Variants in DGKB observed in about 807,000 individuals in gnomAD.
DGKB encodes the protein diacylglycerol kinase beta.
Under a neutral mutation model 114.3 loss-of-function variants are expected in DGKB, and 67 were observed. That is an observed-to-expected ratio of 0.59 (90% CI 0.48 to 0.72). The LOEUF (loss-of-function observed/expected upper bound fraction) is 0.72, where lower values mean the gene tolerates loss of function less well. Ranked by LOEUF, DGKB falls within the 30% of genes least tolerant of loss-of-function variation. DGKB has a pLI of 0.00. For missense variants in DGKB, 907 were observed against 975.2 expected (o/e 0.93, Z 0.93); for synonymous variants, 398 against 323.1 (o/e 1.23, Z -2.49).
chr7:14,914,418 G>A (rs1429602799), intron 1 of DGKB, among the ~76,000 whole-genome samples: 3 of 152,110 alleles, frequency 2.0e-5, no homozygotes, highest in Non-Finnish European at 4.4e-5. Context: ...CTAAGAAGAA[G>A]TTCTTTGGGA....
chr7:14,221,504 C>CAA (rs1789967991), intron 23 of DGKB, among the ~76,000 whole-genome samples: 8 of 151,378 alleles, frequency 5.3e-5, no homozygotes, highest in African/African-American at 1.7e-4. Flanking sequence ...AACCAACTCT[C>CAA]ATTCCTGGGA....
At chr7:14,563,151 T>C (rs549768766) in intron 20 of DGKB, among the ~76,000 whole-genome samples, 1 of 152,248 alleles carries the variant, frequency 6.6e-6, no homozygotes, top group African/African-American at 2.4e-5. Context: ...ACGCCTTTGT[T>C]CCTCTTCTGC....
At chr7:14,204,276 T>C (rs2128293737) in intron 23 of DGKB, among the ~76,000 whole-genome samples, 1 of 152,146 alleles carries the variant, frequency 6.6e-6, no homozygotes, top group East Asian at 1.9e-4. Context: ...AGATGAAATC[T>C]GAATACATGA....
At chr7:14,272,188 G>T (rs1328259848) in intron 23 of DGKB, among the ~76,000 whole-genome samples, 5 of 152,038 alleles carry the variant, frequency 3.3e-5, no homozygotes, top group Non-Finnish European at 7.4e-5. Context: ...AATGCAAGAT[G>T]ACAGTGTATT....
At chr7:14,168,199 G>A (rs1035201695) in intron 25 of DGKB, among the ~76,000 whole-genome samples, 1 of 152,094 alleles carries the variant, frequency 6.6e-6, no homozygotes, top group African/African-American at 2.4e-5. Flanking sequence ...CTCAACAACA[G>A]AATGGAGATA....
rs562515890 is a variant in DGKB, at chr7:14,488,686, G to A, written c.1771-10461C>T. On this transcript the variant is annotated intron_variant, in intron 20 of 25. Transcript: ENST00000402815. ...AAAAGTATATATATAAAATTAGCTC[G>A]GTGTGGTGGCACGCACCTGTAGTCC... Among the ~76,000 whole-genome samples, 34 of 150,504 alleles carry A rather than the reference G, an allele frequency of 2.3e-4. No homozygotes were observed. In the South Asian group the frequency reaches 6.3e-3, roughly 28 times the overall value.
intron 23 of DGKB, among the ~76,000 whole-genome samples, chr7:14,312,267 A>C (rs572585783): frequency 1.3e-5 from 2 of 152,350 alleles, no homozygotes; most frequent in Non-Finnish European, 2.9e-5. Context: ...TTATATCAGC[A>C]GTTCTGCAAA....
intron 1 of DGKB, among the ~76,000 whole-genome samples, chr7:14,952,512 A>T (rs60768073): frequency 0.028 from 4,276 of 151,874 alleles, 189 homozygotes; most frequent in African/African-American, 0.098. Flanking sequence ...TAAATATTCA[A>T]GGAAGCTGGA....
intron 1 of DGKB, among the ~76,000 whole-genome samples, chr7:14,897,883 G>A (rs552040014): frequency 3.2e-4 from 48 of 151,958 alleles, no homozygotes; most frequent in African/African-American, 1.0e-3. Context: ...TTCCTTCAGC[G>A]GATAGAATTA....
chr7:14,760,149 G>A (rs1000346944), intron 2 of DGKB, among the ~76,000 whole-genome samples: 7 of 151,982 alleles, frequency 4.6e-5, no homozygotes, highest in Admixed American at 2.0e-4. Flanking sequence ...GTGTGTGTAC[G>A]CACATTTGCT....
At chr7:14,271,978 T>C (rs139853030) in intron 23 of DGKB, among the ~76,000 whole-genome samples, 1 of 152,336 alleles carries the variant, frequency 6.6e-6, no homozygotes, top group East Asian at 1.9e-4. Flanking sequence ...ATTCACACAA[T>C]AATTGTACCA....
At chr7:14,464,487 C>G (rs1013206905) in intron 21 of DGKB, among the ~76,000 whole-genome samples, 13 of 151,990 alleles carry the variant, frequency 8.6e-5, no homozygotes, top group African/African-American at 3.1e-4. Context: ...AAAAACCAAA[C>G]AAATTATGAC....
intron 20 of DGKB, among the ~76,000 whole-genome samples, chr7:14,553,934 G>A (rs1403461365): frequency 5.7e-5 from 8 of 141,212 alleles, no homozygotes; most frequent in Non-Finnish European, 7.6e-5. Context: ...GTGCAGTGGC[G>A]GGATCTCGGC....
intron 23 of DGKB, among the ~76,000 whole-genome samples, chr7:14,317,377 T>G (rs1405262871): frequency 7.1e-6 from 1 of 140,846 alleles, no homozygotes; most frequent in African/African-American, 2.7e-5. Context: ...ATTGTATATC[T>G]AGAAAACCCC....
In DGKB at chr7:14,148,428, C is replaced by A. The variant is rs1048565626; in HGVS notation, c.*703G>T. 16 of 152,530 alleles carry A rather than the reference C, an allele frequency of 1.0e-4. No homozygotes were observed. The highest frequency in any genetic ancestry group is 3.6e-4 in the African/African-American group (15 of 41,422). The allele number at this position is 152,530 out of a possible 1,614,324, so 9.4% of individuals were successfully genotyped here. A position where few individuals can be genotyped will look rare whatever the true frequency, so the allele number is the denominator to read the frequency against. ...TCATGCAGAAAGGAACAAGGCTTGC[C>A]ATATTACCACACTTGACTGTCAAGT... On this transcript the variant is annotated 3_prime_UTR_variant, in exon 26 of 26. Coordinates refer to ENST00000402815, the MANE Select transcript of DGKB (RefSeq NM_001350709.2).
At chr7:14,366,530 G>A (rs1816702641) in intron 21 of DGKB, among the ~76,000 whole-genome samples, 1 of 152,114 alleles carries the variant, frequency 6.6e-6, no homozygotes, top group Admixed American at 6.6e-5. Context: ...AGAGGAACAT[G>A]TGTATGCGCA....
At chr7:14,269,096 T>C (rs975042953) in intron 23 of DGKB, 7 of 152,188 alleles carry the variant, frequency 4.6e-5, no homozygotes, top group Non-Finnish European at 7.3e-5. Context: ...GAGGCCTCAG[T>C]CCCTCAGAGG....
intron 21 of DGKB, among the ~76,000 whole-genome samples, chr7:14,453,136 T>A (rs1563214490): frequency 6.6e-6 from 1 of 152,146 alleles, no homozygotes; most frequent in Non-Finnish European, 1.5e-5. Flanking sequence ...TTGTACTCTA[T>A]GGAGTAAGAA....
intron 2 of DGKB, among the ~76,000 whole-genome samples, chr7:14,830,716 G>T (rs1453154039): frequency 1.3e-5 from 2 of 152,062 alleles, no homozygotes; most frequent in Non-Finnish European, 2.9e-5. Flanking sequence ...CACCATGTGG[G>T]ATATCAATGG....
Sources: gnomAD v4.1 joint callset for allele counts (sites outside exome capture counted in the v4.1 genomes callset) on GRCh38, gnomAD v4.1.1 for gene constraint, MANE v1.5 for transcripts, NCBI Gene and HGNC (gene_info 2026-07-23, HGNC 2026-07-21) for gene names.